Variants in DLGAP2 observed in about 807,000 individuals in gnomAD.
The protein encoded by DLGAP2 is disks large-associated protein 2.
A neutral mutation model predicts 100.3 loss-of-function variants in DLGAP2; 26 were observed. That is an observed-to-expected ratio of 0.26 (90% CI 0.19 to 0.36). The LOEUF (loss-of-function observed/expected upper bound fraction) is 0.36. DLGAP2 is among the 10% of genes least tolerant of loss of function. DLGAP2 has a pLI of 1.00. For missense variants in DLGAP2, 1,858 were observed against 1,453.2 expected, an observed-to-expected ratio of 1.28 and a Z score of -4.53; for synonymous variants, 886 against 630.1, an observed-to-expected ratio of 1.41 and a Z score of -6.08.
intron 2 of DLGAP2, chr8:927,127 G>T: frequency 3.0e-6 from 3 of 985,422 alleles, no homozygotes; most frequent in Non-Finnish European, 3.6e-6. Context: ...CAAACTAATC[G>T]ATTGTAATTA....
chr8:1,411,594 G>T (rs994105788), intron 3 of DLGAP2, among the ~76,000 whole-genome samples: 2 of 152,178 alleles, frequency 1.3e-5, no homozygotes, highest in African/African-American at 4.8e-5. Flanking sequence ...ACCTGCAGGT[G>T]GTAGACTTGA....
In DLGAP2 at chr8:1,252,460, G is replaced by A. The variant is rs537566456; in HGVS notation, c.74-6391G>A. Among the ~76,000 whole-genome samples, 116 of 152,020 alleles carry A rather than the reference G, an allele frequency of 7.6e-4. 1 individual carries two copies. The highest frequency in any genetic ancestry group is 2.2e-3 in the Admixed American group (33 of 15,274). ...ACTTGTCACACTGTGGTGTTGTCAC[G>A]TGCGTGTGTTGCGTTGTCCTGGGTC... On this transcript the variant is annotated intron_variant, in intron 2 of 14. Transcript: ENST00000637795.
At chr8:1,000,821 G>A (rs1383449216) in intron 2 of DLGAP2, among the ~76,000 whole-genome samples, 1 of 152,122 alleles carries the variant, frequency 6.6e-6, no homozygotes, top group African/African-American at 2.4e-5. Context: ...TCTGTGGATG[G>A]CCTGCTTCTC....
intron 3 of DLGAP2, among the ~76,000 whole-genome samples, chr8:1,434,441 T>A (rs915644261): frequency 1.3e-5 from 2 of 151,660 alleles, no homozygotes; most frequent in Non-Finnish European, 2.9e-5. Context: ...CACCACTGGG[T>A]CACTGAGCTA....
intron 1 of DLGAP2, among the ~76,000 whole-genome samples, chr8:884,082 A>G (rs888977864): frequency 2.0e-5 from 3 of 152,178 alleles, no homozygotes; most frequent in African/African-American, 7.2e-5. Flanking sequence ...GCTATTGTGA[A>G]TAGTGCTGCA....
chr8:758,959 T>G (rs1400370612), intron 1 of DLGAP2, among the ~76,000 whole-genome samples: 1 of 150,856 alleles, frequency 6.6e-6, no homozygotes, highest in East Asian at 1.9e-4. Flanking sequence ...GCCTTCCCAT[T>G]ATCAATAACC....
At chr8:1,248,329 GGAAGA>G (rs1798957590) in intron 2 of DLGAP2, among the ~76,000 whole-genome samples, 1 of 99,558 alleles carries the variant, frequency 1.0e-5, no homozygotes, top group Non-Finnish European at 1.9e-5. Context: ...TCGGTGGCCG[GGAAGA>G]CCTTTGAGAT....
At chr8:968,366 C>T (rs1287025950) in intron 2 of DLGAP2, among the ~76,000 whole-genome samples, 5 of 152,144 alleles carry the variant, frequency 3.3e-5, no homozygotes, top group Admixed American at 1.3e-4. Flanking sequence ...GGAAGCATGG[C>T]CCCTGTGAGC....
chr8:1,289,875 T>C (rs138382041), intron 3 of DLGAP2, among the ~76,000 whole-genome samples: 1 of 152,316 alleles, frequency 6.6e-6, no homozygotes, highest in African/African-American at 2.4e-5. Context: ...TCCTAAGATA[T>C]TTAAGATGAT....
intron 2 of DLGAP2, among the ~76,000 whole-genome samples, chr8:1,043,312 T>G: frequency 1.7e-5 from 2 of 116,358 alleles, no homozygotes; most frequent in Admixed American, 8.6e-5. Context: ...TGGGTGTGGG[T>G]GATGGACGTG....
chr8:765,733 G>A (rs565908407), intron 1 of DLGAP2, among the ~76,000 whole-genome samples: 7 of 152,208 alleles, frequency 4.6e-5, no homozygotes, highest in South Asian at 2.1e-4. Flanking sequence ...TTGCTCTGCC[G>A]TCCTTGATGT....
At chr8:1,686,425 T>C (rs942787740) in intron 12 of DLGAP2, among the ~76,000 whole-genome samples, 1 of 152,172 alleles carries the variant, frequency 6.6e-6, no homozygotes, top group African/African-American at 2.4e-5. Context: ...CCCAGCACTT[T>C]GGGAGGATAA....
At chr8:1,435,823 C>T (rs1007812058) in intron 3 of DLGAP2, among the ~76,000 whole-genome samples, 4 of 151,446 alleles carry the variant, frequency 2.6e-5, no homozygotes, top group South Asian at 2.1e-4. Flanking sequence ...CCTGACCCTG[C>T]GCAGGTAGAG....
chr8:1,468,720 C>CT (rs1206913898), intron 3 of DLGAP2, among the ~76,000 whole-genome samples: 3 of 151,768 alleles, frequency 2.0e-5, no homozygotes, highest in Non-Finnish European at 4.4e-5. Context: ...AGAAAGGCAT[C>CT]TTCTCGCCAT....
chr8:1,384,539 CCCCGG>C (rs1796172404), intron 3 of DLGAP2, among the ~76,000 whole-genome samples: 1 of 135,480 alleles, frequency 7.4e-6, no homozygotes, highest in African/African-American at 2.8e-5. Context: ...TGCACAGTTA[CCCCGG>C]CCTGTGCCCG....
chr8:1,613,470 C>T (rs1175803363), intron 6 of DLGAP2, among the ~76,000 whole-genome samples: 2 of 151,212 alleles, frequency 1.3e-5, no homozygotes, highest in Non-Finnish European at 2.9e-5. Context: ...TGCAGCGCAC[C>T]AGCATGGCAC....
At chr8:1,414,564 T>C (rs928586248) in intron 3 of DLGAP2, among the ~76,000 whole-genome samples, 2 of 151,706 alleles carry the variant, frequency 1.3e-5, no homozygotes, top group African/African-American at 4.8e-5. Flanking sequence ...CAGTGCAGAG[T>C]CCACACCAGA....
chr8:1,201,809 C>G (rs560896594), intron 2 of DLGAP2, among the ~76,000 whole-genome samples: 1 of 152,172 alleles, frequency 6.6e-6, no homozygotes. Context: ...CCTCTGTGTA[C>G]GTGTGTGCGG....
chr8:1,648,645 G>A (rs1798096648), intron 8 of DLGAP2, among the ~76,000 whole-genome samples: 1 of 152,114 alleles, frequency 6.6e-6, no homozygotes, highest in African/African-American at 2.4e-5. Context: ...CCTGGGGCAT[G>A]ATCAGGACAG....
Sources: allele counts gnomAD v4.1 joint callset (sites outside exome capture counted in the v4.1 genomes callset), GRCh38; gene constraint gnomAD v4.1.1; transcripts MANE v1.5; gene names NCBI Gene and HGNC (gene_info 2026-07-23, HGNC 2026-07-21).